The following HNRNPC variants were observed in gnomAD, a reference collection of about 807,000 sequenced individuals.
HNRNPC encodes the protein heterogeneous nuclear ribonucleoproteins C1/C2.
Under a neutral mutation model 33.2 loss-of-function variants are expected in HNRNPC, and 3 were observed. The observed-to-expected ratio is 0.09, with a 90% confidence interval of 0.04 to 0.23. The LOEUF is 0.23. Ranked by LOEUF, HNRNPC falls within the 10% of genes least tolerant of loss-of-function variation. HNRNPC has a pLI of 1.00. For missense variants in HNRNPC, 143 were observed against 366.7 expected (o/e 0.39, Z 4.98); for synonymous variants, 121 against 126.7 (o/e 0.96, Z 0.30).
intron 2 of HNRNPC, among the ~76,000 whole-genome samples, chr14:21,249,580 T>G (rs1434303583): frequency 1.7e-5 from 2 of 120,360 alleles, no homozygotes; most frequent in African/African-American, 6.6e-5. Context: ...GAGCGAAAAC[T>G]GTGTCTCAAA....
intron 2 of HNRNPC, among the ~76,000 whole-genome samples, chr14:21,251,587 CAGG>C (rs1896680832): frequency 6.6e-6 from 1 of 151,976 alleles, no homozygotes; most frequent in African/African-American, 2.4e-5. Flanking sequence ...GAGGATGAGG[CAGG>C]AGAACTGCTT....
chr14:21,212,056 C>A, intron 6 of HNRNPC, 133 bp from the exon 7 acceptor site: 1 of 684,730 alleles, frequency 1.5e-6, no homozygotes, highest in Non-Finnish European at 2.5e-6. Context: ...ACAGATTTCT[C>A]GGTAATAAAG....
At chr14:21,245,976 G>A (rs1302781682) in intron 2 of HNRNPC, among the ~76,000 whole-genome samples, 4 of 152,036 alleles carry the variant, frequency 2.6e-5, no homozygotes, top group Non-Finnish European at 5.9e-5. Flanking sequence ...CTCCTGAGTA[G>A]CTGGGAACAC....
chr14:21,261,722 CCT>C (rs1878281666), intron 2 of HNRNPC, among the ~76,000 whole-genome samples: 1 of 152,056 alleles, frequency 6.6e-6, no homozygotes, highest in Non-Finnish European at 1.5e-5. Flanking sequence ...ATAGCGAGAC[CCT>C]GTCTCTACAA....
intron 2 of HNRNPC, among the ~76,000 whole-genome samples, chr14:21,241,265 A>G (rs1042831617): frequency 2.6e-5 from 4 of 151,560 alleles, no homozygotes; most frequent in African/African-American, 9.7e-5. Context: ...CTCAAAAAAA[A>G]AAAAAAAAAA....
At chr14:21,211,997 G>T in intron 6 of HNRNPC, 74 bp from the exon 7 acceptor site, 1 of 1,144,326 alleles carries the variant, frequency 8.7e-7, no homozygotes, top group Non-Finnish European at 1.3e-6. Context: ...ACTGCCACCA[G>T]ACTACATCAG....
intron 2 of HNRNPC, among the ~76,000 whole-genome samples, chr14:21,259,660 C>A (rs940605737): frequency 1.3e-5 from 2 of 152,122 alleles, no homozygotes; most frequent in African/African-American, 2.4e-5. Flanking sequence ...CTGAGATGCT[C>A]CTAATTTTAC....
chr14:21,237,573 G>T (rs910829487), intron 2 of HNRNPC, among the ~76,000 whole-genome samples: 1 of 152,064 alleles, frequency 6.6e-6, no homozygotes, highest in African/African-American at 2.4e-5. Context: ...ACCTTTTTGT[G>T]GTGTTATTGA....
At chr14:21,221,850 A>C (rs1310191297) in intron 5 of HNRNPC, among the ~76,000 whole-genome samples, 1 of 152,038 alleles carries the variant, frequency 6.6e-6, no homozygotes, top group Admixed American at 6.6e-5. Flanking sequence ...GATCAAGACC[A>C]TCCTGGCAAA....
At chr14:21,266,241 T>G (rs118140701) in intron 1 of HNRNPC, among the ~76,000 whole-genome samples, 2 of 152,028 alleles carry the variant, frequency 1.3e-5, no homozygotes, top group Non-Finnish European at 2.9e-5. Flanking sequence ...TAGCTGGGAC[T>G]ACAGGCGAGC....
intron 2 of HNRNPC, among the ~76,000 whole-genome samples, chr14:21,238,460 TCA>T (rs1205227195): frequency 6.6e-6 from 1 of 152,244 alleles, no homozygotes; most frequent in African/African-American, 2.4e-5. Flanking sequence ...ACAATCATTT[TCA>T]CAGTTTCTCT....
At chr14:21,256,257 C>A (rs971035760) in intron 2 of HNRNPC, among the ~76,000 whole-genome samples, 1 of 152,044 alleles carries the variant, frequency 6.6e-6, no homozygotes, top group Non-Finnish European at 1.5e-5. Flanking sequence ...ACTATCCTGG[C>A]CAACATGGTG....
Position 21,211,802 on chromosome 14 carries a change from C to A in HNRNPC, c.637+8G>T, listed in dbSNP as rs1453415956. 6.2e-7 allele frequency: 1 copy of A among 1,606,520 alleles called. No individual in the cohort carries two copies. The highest frequency in any genetic ancestry group is 8.5e-7 in the Non-Finnish European group (1 of 1,174,866). Reference sequence around the variant, plus strand: ...TGTATACCAAGGGCAAGCAGAAAACCCATTTACCTGCTTGTTTGCTCTGTT... The same window carrying A: ...TGTATACCAAGGGCAAGCAGAAAACACATTTACCTGCTTGTTTGCTCTGTT... On this transcript the variant is annotated splice_region_variant and intron_variant, in intron 7 of 8. Coordinates refer to ENST00000553300, the MANE Select transcript of HNRNPC (RefSeq NM_004500.4).
intron 2 of HNRNPC, 83 bp from the exon 3 acceptor site, chr14:21,234,312 A>C: frequency 7.9e-7 from 1 of 1,272,452 alleles, no homozygotes; most frequent in Non-Finnish European, 1.1e-6. Context: ...CTCACTCTGA[A>C]TCACTGTTAA....
chr14:21,230,075 T>C (rs77204063), intron 5 of HNRNPC, among the ~76,000 whole-genome samples: 2 of 148,722 alleles, frequency 1.3e-5, no homozygotes, highest in Admixed American at 6.7e-5. Flanking sequence ...ACTCAGCGAA[T>C]TTTTTTGTAT....
intron 3 of HNRNPC, among the ~76,000 whole-genome samples, chr14:21,232,042 T>C (rs1894177721): frequency 6.6e-6 from 1 of 152,114 alleles, no homozygotes; most frequent in African/African-American, 2.4e-5. Flanking sequence ...AATTGATCAA[T>C]TGCTTAAACA....
At chr14:21,264,323 G>A (rs1273153177) in intron 1 of HNRNPC, 1 of 152,102 alleles carries the variant, frequency 6.6e-6, no homozygotes, top group Non-Finnish European at 1.5e-5. Flanking sequence ...AAACCAGTGA[G>A]TGATCAAACC....
intron 1 of HNRNPC, chr14:21,264,463 G>C (rs1878659452): frequency 1.3e-5 from 2 of 152,104 alleles, no homozygotes; most frequent in African/African-American, 4.8e-5. Context: ...TCATAAAATA[G>C]GTGAAAAAAA....
chr14:21,269,040 G>A (rs1193553973), intron 1 of HNRNPC, among the ~76,000 whole-genome samples: 1 of 152,078 alleles, frequency 6.6e-6, no homozygotes, highest in African/African-American at 2.4e-5. Context: ...AAAATGAAAG[G>A]AAAGCAGCCG....
Sources: gnomAD v4.1 joint callset for allele counts (sites outside exome capture counted in the v4.1 genomes callset) on GRCh38, gnomAD v4.1.1 for gene constraint, MANE v1.5 for transcripts, NCBI Gene and HGNC (gene_info 2026-07-23, HGNC 2026-07-21) for gene names.